The following METTL15 variants were observed in gnomAD, a reference collection of about 807,000 sequenced individuals.
METTL15 encodes the protein methyltransferase 15, mitochondrial 12S rRNA N4-cytidine, also known as 12S rRNA N(4)-cytidine methyltransferase METTL15.
In METTL15, 34 loss-of-function variants were observed where a neutral mutation model predicts 38.3. The observed-to-expected ratio is 0.89, with a 90% CI of 0.68 to 1.18. The LOEUF (loss-of-function observed/expected upper bound fraction) is 1.18. METTL15 is among the 50% of genes most tolerant of loss of function. The probability of loss-of-function intolerance (pLI) is 0.00; values close to 1 mark genes in which losing one functional copy is unlikely to be tolerated. For missense variants in METTL15, 438 were observed against 498.4 expected, an observed-to-expected ratio of 0.88 and a Z score of 1.15; for synonymous variants, 162 against 170.9, an observed-to-expected ratio of 0.95 and a Z score of 0.41.
chr11:28,476,393 A>T (rs777304571), intron 6 of METTL15, among the ~76,000 whole-genome samples: 9 of 152,198 alleles, frequency 5.9e-5, no homozygotes, highest in Non-Finnish European at 1.2e-4. Flanking sequence ...AGATAAGGCA[A>T]TAGTGGTGAC....
At position 28,208,045 on chromosome 11, in the gene METTL15, C is replaced by T. The variant is rs184357918; in HGVS notation, c.271-3017C>T. On this transcript the variant is annotated intron_variant, in intron 3 of 6. Coordinates refer to ENST00000407364, the MANE Select transcript of METTL15 (RefSeq NM_001113528.2). The stretch of plus-strand genomic sequence containing the variant: ...CTAGCAGTCTATCAATTTTGTTGAT[C>T]GTTTCAAAAAACCAGCTCCTGGATT... Among the ~76,000 whole-genome samples, 154 of 152,092 alleles carry T rather than the reference C, an allele frequency of 1.0e-3. 2 individuals carry two copies. The East Asian group carries it at 0.023, about 23-fold the overall frequency.
At chr11:28,135,621 G>A (rs569784869) in intron 3 of METTL15, among the ~76,000 whole-genome samples, 48 of 152,292 alleles carry the variant, frequency 3.2e-4, no homozygotes, top group Middle Eastern at 6.8e-3. Context: ...GAAACAACCA[G>A]TTTCTCCAAT....
intron 4 of METTL15, among the ~76,000 whole-genome samples, chr11:28,220,642 G>A (rs931825460): frequency 1.3e-5 from 2 of 152,138 alleles, no homozygotes; most frequent in African/African-American, 4.8e-5. Context: ...AGTTGATGAA[G>A]TTTCTTCCTA....
chr11:28,434,131 TC>T (rs1850960908), intron 6 of METTL15, among the ~76,000 whole-genome samples: 2 of 152,160 alleles, frequency 1.3e-5, no homozygotes, highest in Admixed American at 1.3e-4. Flanking sequence ...AGCAGTTTTT[TC>T]CATCCTGTTC....
rs533258132 is a variant in METTL15, at chr11:28,217,197, A to G, written c.407+5999A>G. ...CCACCAACAGTGTAAAAGTGTTCCT[A>G]TTTCTCCACATCCTCTCCAGCACCT... is the stretch of plus-strand genomic sequence containing the variant. On this transcript the variant is annotated intron_variant, in intron 4 of 6. Coordinates refer to ENST00000407364, the MANE Select transcript of METTL15 (RefSeq NM_001113528.2). Among the ~76,000 whole-genome samples the G allele has an allele frequency of 7.2e-5, 11 of 152,104 alleles. 1 individual carries two copies. In the East Asian group the frequency reaches 9.7e-4, roughly 13 times the overall value.
chr11:28,145,282 A>G (rs1394733428), intron 3 of METTL15: 1 of 151,760 alleles, frequency 6.6e-6, no homozygotes, highest in Non-Finnish European at 1.5e-5. Context: ...CTTTATTGCT[A>G]CCTTCATCTC....
At chr11:28,127,007 C>G (rs146423722) in intron 3 of METTL15, among the ~76,000 whole-genome samples, 317 of 152,136 alleles carry the variant, frequency 2.1e-3, no homozygotes, top group African/African-American at 7.4e-3. Flanking sequence ...TACAAAAGTT[C>G]TGTGCTGGGA....
intron 5 of METTL15, among the ~76,000 whole-genome samples, chr11:28,368,559 G>A (rs940995433): frequency 1.3e-5 from 2 of 152,216 alleles, no homozygotes; most frequent in Non-Finnish European, 2.9e-5. Context: ...TGGTGGGACT[G>A]TAAATTAGTT....
intron 6 of METTL15, among the ~76,000 whole-genome samples, chr11:28,319,841 G>A (rs988383832): frequency 1.3e-5 from 2 of 152,168 alleles, no homozygotes; most frequent in African/African-American, 4.8e-5. Context: ...CCTGGAAAAA[G>A]GAGTGTAGCA....
At chr11:28,525,101 G>A (rs780759858) in intron 6 of METTL15, among the ~76,000 whole-genome samples, 1 of 152,106 alleles carries the variant, frequency 6.6e-6, no homozygotes, top group Admixed American at 6.5e-5. Context: ...GCAGACCTTC[G>A]CTGTGAGTGT....
chr11:28,400,119 T>C (rs368716939), intron 5 of METTL15, among the ~76,000 whole-genome samples: 86 of 152,106 alleles, frequency 5.7e-4, no homozygotes, highest in African/African-American at 2.0e-3. Flanking sequence ...AATCTTGCCA[T>C]ACAGATTTGA....
intron 3 of METTL15, among the ~76,000 whole-genome samples, chr11:28,189,964 G>GT (rs752877088): frequency 6.6e-6 from 1 of 151,026 alleles, no homozygotes; most frequent in South Asian, 2.1e-4. Context: ...TTTATAATTT[G>GT]TTTTTTTCAG....
At chr11:28,439,462 AGTC>A (rs1308442966) in intron 6 of METTL15, among the ~76,000 whole-genome samples, 4 of 152,232 alleles carry the variant, frequency 2.6e-5, no homozygotes, top group African/African-American at 9.6e-5. Flanking sequence ...CAAGTCAAGT[AGTC>A]AATGCAATTT....
chr11:28,450,165 A>C (rs542528850), intron 6 of METTL15, among the ~76,000 whole-genome samples: 2 of 152,346 alleles, frequency 1.3e-5, no homozygotes, highest in South Asian at 4.1e-4. Flanking sequence ...CCAAGAGTTC[A>C]TTATATTTCC....
At chr11:28,165,869 G>A (rs148730490) in intron 3 of METTL15, among the ~76,000 whole-genome samples, 1 of 152,056 alleles carries the variant, frequency 6.6e-6, no homozygotes, top group Non-Finnish European at 1.5e-5. Flanking sequence ...TCTTCTGTAT[G>A]AAGATATCCA....
intron 3 of METTL15, among the ~76,000 whole-genome samples, chr11:28,117,187 ATTTG>A (rs1422132682): frequency 2.7e-5 from 4 of 150,432 alleles, no homozygotes; most frequent in Admixed American, 2.7e-4. Context: ...TATATGTGAT[ATTTG>A]TTAGTGTGTG....
intron 4 of METTL15, among the ~76,000 whole-genome samples, chr11:28,231,655 T>C (rs1432649331): frequency 2.6e-5 from 4 of 151,886 alleles, no homozygotes; most frequent in Non-Finnish European, 4.4e-5. Flanking sequence ...TCACATTAGC[T>C]CACAATGTTG....
At chr11:28,488,782 C>CT (rs148261751) in intron 6 of METTL15, among the ~76,000 whole-genome samples, 1 of 151,926 alleles carries the variant, frequency 6.6e-6, no homozygotes, top group African/African-American at 2.4e-5. Context: ...CCCCACGATA[C>CT]TTTTTTTTGT....
At chr11:28,438,672 C>CTTTTTTTTTTTTTTTT (rs1171439330) in intron 6 of METTL15, among the ~76,000 whole-genome samples, 9 of 128,192 alleles carry the variant, frequency 7.0e-5, no homozygotes, top group South Asian at 2.6e-4. Context: ...TTTCTTTTTT[C>CTTTTTTTTTTTTTTTT]TTTTTTTTTT....
Sources: allele counts gnomAD v4.1 joint callset (sites outside exome capture counted in the v4.1 genomes callset), GRCh38; gene constraint gnomAD v4.1.1; transcripts MANE v1.5; gene names NCBI Gene and HGNC (gene_info 2026-07-23, HGNC 2026-07-21).